NOP58: variants seen among roughly 807,000 people sequenced by gnomAD.
NOP58 encodes the protein NOP58 ribonucleoprotein.
NOP58 carries 44 observed loss-of-function variants against 71.2 expected under a neutral mutation model. The ratio of observed to expected loss-of-function variants is 0.62; its 90% CI spans 0.49 to 0.79. The LOEUF (loss-of-function observed/expected upper bound fraction) is 0.79. NOP58 is among the 30% of genes least tolerant of loss of function. NOP58 has a pLI of 0.00. For synonymous variants in NOP58, 228 were observed against 200.3 expected (o/e 1.14, Z -1.17); for missense variants, 538 against 620.2 (o/e 0.87, Z 1.41).
chr2:202,298,645 A>T (rs1033726895), intron 12 of NOP58, among the ~76,000 whole-genome samples: 2 of 152,236 alleles, frequency 1.3e-5, no homozygotes, highest in Non-Finnish European at 2.9e-5. Context: ...AAAAAAGTTC[A>T]TTCAGAGTTA....
At chr2:202,275,962 C>A (rs909193550) in intron 2 of NOP58, among the ~76,000 whole-genome samples, 1 of 152,204 alleles carries the variant, frequency 6.6e-6, no homozygotes, top group African/African-American at 2.4e-5. Flanking sequence ...AGCCACCACA[C>A]CTGGCCTAAA....
intron 9 of NOP58, among the ~76,000 whole-genome samples, 200 bp from the exon 10 acceptor site, chr2:202,295,474 A>T (rs371757361): frequency 2.0e-5 from 3 of 152,352 alleles, no homozygotes; most frequent in African/African-American, 7.2e-5. Context: ...CTAGGCATTC[A>T]TTGCAAACCT....
At chr2:202,287,414 T>G (rs1245196406) in intron 5 of NOP58, among the ~76,000 whole-genome samples, 4 of 152,036 alleles carry the variant, frequency 2.6e-5, no homozygotes, top group African/African-American at 4.8e-5. Context: ...CATTCATACA[T>G]AAACTCATTC....
chr2:202,278,459 C>CA (rs1489923194), intron 3 of NOP58: 1 of 331,392 alleles, frequency 3.0e-6, no homozygotes, highest in Non-Finnish European at 5.9e-6. Flanking sequence ...ATTTTTAGTT[C>CA]AAAAAAACAT....
intron 3 of NOP58, among the ~76,000 whole-genome samples, chr2:202,279,004 A>C (rs545266903): frequency 2.0e-5 from 3 of 152,198 alleles, no homozygotes; most frequent in Non-Finnish European, 4.4e-5. Context: ...AGAGTTATAT[A>C]CAGCCATAAA....
intron 3 of NOP58, 51 bp downstream of exon 3, chr2:202,278,053 CGTTT>C (rs1688636331): frequency 2.6e-6 from 3 of 1,137,102 alleles, no homozygotes; most frequent in Non-Finnish European, 1.3e-6. Context: ...AAGTCTTAGC[CGTTT>C]GTTTTTCTTG....
At chr2:202,277,525 A>G (rs1559260922) in intron 2 of NOP58, among the ~76,000 whole-genome samples, 1 of 151,960 alleles carries the variant, frequency 6.6e-6, no homozygotes, top group Non-Finnish European at 1.5e-5. Flanking sequence ...CAAGAATGAG[A>G]CCTGACAATA....
chr2:202,287,702 C>G lies in NOP58; in HGVS notation c.477C>G (p.Asp159Glu). The change falls in exon 6 of 15, where the codon GAC becomes GAG. Residue 159 changes from aspartate (D) to glutamate (E), a missense_variant. Physicochemically the swap from Asp to Glu is conservative, Grantham distance 45. Coordinates refer to ENST00000264279, the MANE Select transcript of NOP58 (RefSeq NM_015934.5). ...YRLKFSADKV[D>E]TMIVQAISLL... ...TGAAGTTTAGCGCTGATAAAGTAGACACAATGATTGTTCAGGCAATTTGTA... is the reference window on the plus strand; with the variant it reads ...TGAAGTTTAGCGCTGATAAAGTAGAGACAATGATTGTTCAGGCAATTTGTA... The G allele has an allele frequency of 6.2e-7, 1 of 1,612,888 alleles. No homozygotes were observed. Among genetic ancestry groups the G allele is most frequent in the Non-Finnish European group, 8.5e-7 (1 of 1,178,916 alleles).
chr2:202,287,310 C>A lies in NOP58; in HGVS notation c.435-350C>A, dbSNP rs575255488. Among the ~76,000 whole-genome samples the A allele has an allele frequency of 9.2e-4, 140 of 152,196 alleles. 1 individual carries two copies. The highest frequency in any genetic ancestry group is 3.2e-3 in the African/African-American group (133 of 41,530). ...TCTCGAACTCCTAACAGGTGATCTG[C>A]CCACCTCGGCCTCCCAAAGTGCTAG... is the stretch of plus-strand genomic sequence containing the variant. On this transcript the variant is annotated intron_variant, in intron 5 of 14. Transcript: ENST00000264279.
rs936358148 is a variant in NOP58 at position 202,282,510 on chromosome 2, G to C, written c.297+38G>C. On this transcript the variant is annotated intron_variant, in intron 4 of 14. Coordinates refer to ENST00000264279, the MANE Select transcript of NOP58 (RefSeq NM_015934.5). ...TATTTTTGGTCATGCCTGCTAGTCA[G>C]ATCTCACAGCATACCAACTACAAAG... 3 of 1,582,534 alleles carry C rather than the reference G, an allele frequency of 1.9e-6. No individual in the cohort carries two copies. In the African/African-American group the frequency reaches 4.1e-5, roughly 22 times the overall value.
chr2:202,289,029 A>G (rs543010706), intron 6 of NOP58, among the ~76,000 whole-genome samples: 1 of 152,178 alleles, frequency 6.6e-6, no homozygotes, highest in South Asian at 2.1e-4. Flanking sequence ...CTGAGGAAGG[A>G]GAATCACTTG....
chr2:202,269,853 T>C (rs1688488061), intron 1 of NOP58, among the ~76,000 whole-genome samples: 1 of 152,348 alleles, frequency 6.6e-6, no homozygotes, highest in South Asian at 2.1e-4. Context: ...TGCTCTTCCA[T>C]GTGGTAGCCA....
intron 5 of NOP58, 81 bp downstream of exon 5, chr2:202,284,562 A>G (rs1688760060): frequency 6.3e-6 from 9 of 1,434,706 alleles, no homozygotes; most frequent in Non-Finnish European, 8.6e-6. Context: ...AATGTTACAA[A>G]TGCTCATTTG....
rs150411006 is a variant in NOP58 at position 202,279,141 on chromosome 2, G to T, written c.175+1139G>T. On this transcript the variant is annotated intron_variant, in intron 3 of 14. Transcript: ENST00000264279. ...TGTGTTAGCTGTATTCAAACTCTAG[G>T]GGGTGTTGTTGACATAGACTGGGAT... Among the ~76,000 whole-genome samples, 1,240 of 152,260 alleles carry T rather than the reference G, an allele frequency of 8.1e-3. 13 individuals are homozygous for T. The highest frequency in any genetic ancestry group is 0.026 in the African/African-American group (1,093 of 41,546).
Position 202,297,522 on chromosome 2 carries a change from T to G in NOP58, c.1206+9T>G, listed in dbSNP as rs1334145568. The G allele has an allele frequency of 3.7e-6, 6 of 1,610,718 alleles. No individual in the cohort carries two copies. The highest frequency in any genetic ancestry group is 5.1e-6 in the Non-Finnish European group (6 of 1,178,702). The stretch of plus-strand genomic sequence containing the variant: ...CTTTGGAAGACAGAGGGGTAAGAAC[T>G]ACATCATGCCTATTCCAGAAGTATT... On this transcript the variant is annotated intron_variant, in intron 11 of 14. Coordinates refer to ENST00000264279, the MANE Select transcript of NOP58 (RefSeq NM_015934.5).
intron 1 of NOP58, among the ~76,000 whole-genome samples, chr2:202,270,677 G>A (rs1368235931): frequency 6.6e-6 from 1 of 152,064 alleles, no homozygotes; most frequent in African/African-American, 2.4e-5. Flanking sequence ...AGGTGGGAGG[G>A]AGGTCACGGC....
In NOP58 at chr2:202,302,969, TGAAGAA is replaced by T; in HGVS notation, c.1461_1466del (p.Lys488_Lys489del). 7 of 1,609,616 alleles carry T rather than the reference TGAAGAA, an allele frequency of 4.3e-6. No homozygotes were observed. The highest frequency in any genetic ancestry group is 5.9e-6 in the Non-Finnish European group (7 of 1,178,604). ...GTGGCAGAAGAAGAAGAAACATCTG[TGAAGAA>T]GAAGAAGAAAAGGGGTAAAAAGAAA... is the stretch of plus-strand genomic sequence containing the variant. On this transcript the variant is annotated inframe_deletion, in exon 14 of 15. Coordinates refer to ENST00000264279, the MANE Select transcript of NOP58 (RefSeq NM_015934.5).
At chr2:202,296,627 A>C (rs1432510765) in intron 10 of NOP58, among the ~76,000 whole-genome samples, 1 of 152,224 alleles carries the variant, frequency 6.6e-6, no homozygotes, top group African/African-American at 2.4e-5. Context: ...TAAACTGAAA[A>C]TTGATAAAAT....
chr2:202,283,629 C>T (rs1688743937), intron 4 of NOP58, among the ~76,000 whole-genome samples: 3 of 151,260 alleles, frequency 2.0e-5, no homozygotes, highest in South Asian at 2.1e-4. Flanking sequence ...TTAGTAGAGA[C>T]GGGGTTTCAT....
Sources: allele counts gnomAD v4.1 joint callset (sites outside exome capture counted in the v4.1 genomes callset), GRCh38; gene constraint gnomAD v4.1.1; transcripts MANE v1.5; gene names NCBI Gene and HGNC (gene_info 2026-07-23, HGNC 2026-07-21).